DSCAM: variants seen among roughly 807,000 people sequenced by gnomAD.
DSCAM encodes the protein DS cell adhesion molecule.
In DSCAM, 47 loss-of-function variants were observed where a neutral mutation model predicts 217.7. The observed-to-expected ratio is 0.22, with a 90% CI of 0.17 to 0.28. The LOEUF (loss-of-function observed/expected upper bound fraction) is 0.28. Ranked by LOEUF, DSCAM falls within the 10% of genes least tolerant of loss-of-function variation. The probability of loss-of-function intolerance (pLI) is 1.00; values close to 1 mark genes in which losing one functional copy is unlikely to be tolerated. For synonymous variants in DSCAM, 1,056 were observed against 1,015.3 expected (o/e 1.04, Z -0.76); for missense variants, 2,080 against 2,618.3 (o/e 0.79, Z 4.49).
intron 3 of DSCAM, among the ~76,000 whole-genome samples, chr21:40,394,747 A>G (rs2075163384): frequency 6.6e-6 from 1 of 152,218 alleles, no homozygotes; most frequent in Non-Finnish European, 1.5e-5. Context: ...ATGGATGAAT[A>G]TCACCTGGAA....
chr21:40,012,884 T>C lies in DSCAM; in HGVS notation c.*150A>G, dbSNP rs1386978486. On this transcript the variant is annotated 3_prime_UTR_variant, in exon 33 of 33. Transcript: ENST00000400454. ...AAAAAAAGCAGGAGAGTCTTTGCAC[T>C]GTCTGTGGTTTCAGTATTTTCTCTT... The C allele has an allele frequency of 1.0e-4, 58 of 568,866 alleles. No individual in the cohort carries two copies. In the East Asian group the frequency reaches 2.0e-3, roughly 20 times the overall value. 35.2% of individuals were successfully genotyped at this position (568,866 alleles called of 1,614,324 possible). A position where few individuals can be genotyped will look rare whatever the true frequency, so the allele number is the denominator to read the frequency against.
chr21:40,658,720 G>A (rs1457734146), intron 3 of DSCAM, among the ~76,000 whole-genome samples: 1 of 151,986 alleles, frequency 6.6e-6, no homozygotes, highest in Non-Finnish European at 1.5e-5. Context: ...GGGGGGAGTG[G>A]GGGTAGGAAG....
chr21:40,425,878 T>C (rs564309707), intron 3 of DSCAM, among the ~76,000 whole-genome samples: 125 of 152,314 alleles, frequency 8.2e-4, no homozygotes, highest in Middle Eastern at 3.4e-3. Flanking sequence ...CTATATATGT[T>C]ATATATGTGA....
intron 16 of DSCAM, among the ~76,000 whole-genome samples, chr21:40,158,789 C>T (rs1484966496): frequency 6.6e-6 from 1 of 152,216 alleles, no homozygotes; most frequent in African/African-American, 2.4e-5. Flanking sequence ...TCTATAATTA[C>T]TCAAAGCACA....
intron 3 of DSCAM, among the ~76,000 whole-genome samples, chr21:40,452,237 T>TACACACACACACAC (rs71186937): frequency 0.016 from 2,282 of 144,376 alleles, 26 homozygotes; most frequent in East Asian, 0.043. Context: ...TACACTATAT[T>TACACACACACACAC]ACACACACAC....
intron 1 of DSCAM, among the ~76,000 whole-genome samples, chr21:40,753,590 C>T (rs2091248715): frequency 1.1e-4 from 17 of 152,130 alleles, no homozygotes; most frequent in Admixed American, 1.1e-3. Flanking sequence ...AATTGGATTG[C>T]TGGGTGCACA....
chr21:40,050,438 G>A (rs531364651), intron 30 of DSCAM, among the ~76,000 whole-genome samples: 1 of 118,538 alleles, frequency 8.4e-6, no homozygotes, highest in Non-Finnish European at 1.8e-5. Context: ...ACACCAGGCA[G>A]TTCACAAGGG....
chr21:40,536,665 C>T lies in DSCAM; in HGVS notation c.508+156145G>A, dbSNP rs192782328. 3.3e-5 allele frequency among the ~76,000 whole-genome samples: 5 copies of T among 152,296 alleles called. No homozygotes were observed. In the East Asian group the frequency reaches 9.7e-4, roughly 29 times the overall value. On this transcript the variant is annotated intron_variant, in intron 3 of 32. Transcript: ENST00000400454. Reference sequence around the variant, plus strand: ...TCGTGATCCGCCCGCCTTGGCCTCCCAAAGTGCAGGGATTACAGGCGTGAG... The same window carrying T: ...TCGTGATCCGCCCGCCTTGGCCTCCTAAAGTGCAGGGATTACAGGCGTGAG...
intron 1 of DSCAM, among the ~76,000 whole-genome samples, chr21:40,800,646 G>A (rs116729844): frequency 2.9e-3 from 440 of 152,146 alleles, no homozygotes; most frequent in African/African-American, 9.8e-3. Flanking sequence ...CTTTATGGAA[G>A]GCCAAACTTA....
At chr21:40,369,350 T>A (rs761171093) in intron 3 of DSCAM, 105 bp from the exon 4 acceptor site, 1 of 1,197,612 alleles carries the variant, frequency 8.3e-7, no homozygotes, top group African/African-American at 1.5e-5. Flanking sequence ...CTGAAGAAAC[T>A]TAATGAAAAG....
chr21:40,465,378 GCT>G (rs977814453), intron 3 of DSCAM, among the ~76,000 whole-genome samples: 3 of 152,046 alleles, frequency 2.0e-5, no homozygotes, highest in Non-Finnish European at 4.4e-5. Context: ...TCTCCCAAAA[GCT>G]CTGTTTGAAC....
At chr21:40,032,682 C>T (rs2088550244) in intron 32 of DSCAM, among the ~76,000 whole-genome samples, 1 of 152,030 alleles carries the variant, frequency 6.6e-6, no homozygotes, top group Non-Finnish European at 1.5e-5. Flanking sequence ...ACTCTATGCT[C>T]CCCTTTGGGA....
chr21:40,435,167 G>A (rs2075571831), intron 3 of DSCAM, among the ~76,000 whole-genome samples: 1 of 152,220 alleles, frequency 6.6e-6, no homozygotes, highest in Admixed American at 6.5e-5. Context: ...TGCGGTGTGA[G>A]GTGGCGTGGC....
At chr21:40,259,050 A>G (rs953411705) in intron 11 of DSCAM, among the ~76,000 whole-genome samples, 7 of 152,260 alleles carry the variant, frequency 4.6e-5, no homozygotes, top group South Asian at 4.1e-4. Context: ...ACTGAGGAAC[A>G]AGTATTTCTA....
At chr21:40,143,619 G>A (rs545490783) in intron 17 of DSCAM, among the ~76,000 whole-genome samples, 8 of 152,128 alleles carry the variant, frequency 5.3e-5, no homozygotes, top group Admixed American at 3.3e-4. Context: ...GTGAAAACCC[G>A]TCTCTACTAA....
At chr21:40,389,145 T>C (rs529108198) in intron 3 of DSCAM, among the ~76,000 whole-genome samples, 31 of 152,348 alleles carry the variant, frequency 2.0e-4, no homozygotes, top group African/African-American at 6.7e-4. Context: ...TTCTCCAATG[T>C]ACATTTTGCT....
intron 3 of DSCAM, among the ~76,000 whole-genome samples, chr21:40,397,608 A>G (rs531573768): frequency 1.3e-5 from 2 of 152,232 alleles, no homozygotes; most frequent in South Asian, 4.2e-4. Context: ...AGAACAGCCT[A>G]AAACACTCAG....
intron 3 of DSCAM, among the ~76,000 whole-genome samples, chr21:40,575,940 C>G (rs923490555): frequency 1.3e-5 from 2 of 152,086 alleles, no homozygotes; most frequent in Non-Finnish European, 2.9e-5. Context: ...TAATACAATA[C>G]CATCTCATAC....
chr21:40,630,982 A>G (rs569431982), intron 3 of DSCAM, among the ~76,000 whole-genome samples: 2 of 152,346 alleles, frequency 1.3e-5, no homozygotes, highest in South Asian at 4.1e-4. Flanking sequence ...TCTGTCATCA[A>G]TCTGGATAAT....
Sources: gnomAD v4.1 joint callset for allele counts (sites outside exome capture counted in the v4.1 genomes callset) on GRCh38, gnomAD v4.1.1 for gene constraint, MANE v1.5 for transcripts, NCBI Gene and HGNC (gene_info 2026-07-23, HGNC 2026-07-21) for gene names.